PRKN: variants seen among roughly 807,000 people sequenced by gnomAD.
PRKN encodes parkin RBR E3 ubiquitin protein ligase.
In PRKN, 56 loss-of-function variants were observed where a neutral mutation model predicts 59.5. The ratio of observed to expected loss-of-function variants is 0.94; its 90% CI spans 0.76 to 1.18. The LOEUF is 1.18. PRKN is among the 50% of genes most tolerant of loss of function. The probability of loss-of-function intolerance (pLI) is 0.00; values close to 1 mark genes in which losing one functional copy is unlikely to be tolerated. For synonymous variants in PRKN, 250 were observed against 222.1 expected (o/e 1.13, Z -1.12); for missense variants, 657 against 596.4 (o/e 1.10, Z -1.06).
intron 1 of PRKN, chr6:162,569,128 T>A: frequency 1.6e-6 from 1 of 636,180 alleles, no homozygotes; most frequent in Non-Finnish European, 2.9e-6. Flanking sequence ...TCACCCAACC[T>A]CAGCCGGGCT....
intron 1 of PRKN, among the ~76,000 whole-genome samples, chr6:162,501,302 C>T (rs959965588): frequency 1.3e-5 from 2 of 151,494 alleles, no homozygotes; most frequent in Admixed American, 1.3e-4. Context: ...GGCCAGGCCT[C>T]GTGAAATCCA....
intron 7 of PRKN, among the ~76,000 whole-genome samples, chr6:161,681,758 G>A (rs1363263458): frequency 2.0e-5 from 3 of 152,168 alleles, no homozygotes; most frequent in South Asian, 2.1e-4. Flanking sequence ...AGGACCTGCC[G>A]CTGCCCTTTG....
chr6:162,281,272 G>C (rs1360710935), intron 2 of PRKN, among the ~76,000 whole-genome samples: 2 of 152,176 alleles, frequency 1.3e-5, no homozygotes, highest in East Asian at 3.9e-4. Context: ...GTCAGGGGGT[G>C]GGGGGCTAGG....
At chr6:161,537,701 T>C (rs977467530) in intron 9 of PRKN, among the ~76,000 whole-genome samples, 22 of 152,202 alleles carry the variant, frequency 1.4e-4, no homozygotes, top group African/African-American at 4.8e-4. Flanking sequence ...TCCGCCCGCC[T>C]TAGCCTCCCA....
intron 3 of PRKN, among the ~76,000 whole-genome samples, chr6:162,222,609 G>A (rs1159516855): frequency 6.6e-6 from 1 of 152,108 alleles, no homozygotes; most frequent in East Asian, 1.9e-4. Context: ...AAGGAACATG[G>A]CCCAATTAAT....
chr6:161,975,920 T>A (rs1416078676), intron 5 of PRKN, among the ~76,000 whole-genome samples: 3 of 152,156 alleles, frequency 2.0e-5, no homozygotes, highest in South Asian at 4.1e-4. Context: ...TTTACTTTTT[T>A]TTTGAGACAG....
intron 1 of PRKN, among the ~76,000 whole-genome samples, chr6:162,576,413 C>A (rs1449073306): frequency 6.6e-6 from 1 of 152,128 alleles, no homozygotes; most frequent in African/African-American, 2.4e-5. Flanking sequence ...CTAACTTGAA[C>A]AAGGGGTGGG....
At position 161,423,740 on chromosome 6, in the gene PRKN, T is replaced by C. The variant is rs1206049012; in HGVS notation, c.1084-36863A>G. ...TCCACTGCTCTTGTTCCTGGTCTCA[T>C]AGGCTACACACAACCACTATCATCT... On this transcript the variant is annotated intron_variant, in intron 9 of 11. Transcript: ENST00000366898. The surrounding 1 kb of genome is among the most constrained non-coding windows in gnomAD (Gnocchi z 5.9). Among the ~76,000 whole-genome samples, 1 of 152,160 alleles carries C rather than the reference T, an allele frequency of 6.6e-6. No individual in the cohort carries two copies. The highest frequency in any genetic ancestry group is 1.5e-5 in the Non-Finnish European group (1 of 68,020).
chr6:162,012,074 A>T (rs1392096152), intron 5 of PRKN, among the ~76,000 whole-genome samples: 1 of 152,000 alleles, frequency 6.6e-6, no homozygotes, highest in Non-Finnish European at 1.5e-5. Flanking sequence ...GTCTTCAACA[A>T]CTCTACCATG....
chr6:162,391,447 T>C (rs1181998629), intron 2 of PRKN, among the ~76,000 whole-genome samples: 1 of 151,466 alleles, frequency 6.6e-6, no homozygotes, highest in Non-Finnish European at 1.5e-5. Flanking sequence ...TTACTGCGCA[T>C]GCTTGACGTG....
intron 1 of PRKN, among the ~76,000 whole-genome samples, chr6:162,509,440 A>G (rs928269313): frequency 2.0e-5 from 3 of 152,184 alleles, no homozygotes; most frequent in African/African-American, 4.8e-5. Flanking sequence ...AAAAGCCTCA[A>G]CAAAAAGAGG....
At chr6:161,809,888 G>T (rs9458382) in intron 6 of PRKN, among the ~76,000 whole-genome samples, 3,475 of 152,188 alleles carry the variant, frequency 0.023, 143 homozygotes, top group African/African-American at 0.08. Context: ...GCCTGTTTCT[G>T]CTCTAAAGCA....
intron 2 of PRKN, among the ~76,000 whole-genome samples, chr6:162,276,690 GGTGTGTGTGTGTGTGTCTGT>G (rs1473471180): frequency 6.6e-6 from 1 of 150,400 alleles, no homozygotes; most frequent in African/African-American, 2.4e-5. Flanking sequence ...AACAGAAGCT[GGTGTGTGTGTGTGTGTCTGT>G]GTGTGTGTGT....
chr6:161,370,493 G>T (rs1248016307), intron 10 of PRKN, among the ~76,000 whole-genome samples: 2 of 149,546 alleles, frequency 1.3e-5, no homozygotes, highest in Non-Finnish European at 3.0e-5. Context: ...TTGGGAGGCT[G>T]AGATGGGAGA....
chr6:161,516,658 T>G (rs1047599830), intron 9 of PRKN, among the ~76,000 whole-genome samples: 9 of 150,100 alleles, frequency 6.0e-5, no homozygotes, highest in Admixed American at 1.3e-4. Context: ...TAAAACTCCA[T>G]CTCCACTAAA....
intron 7 of PRKN, among the ~76,000 whole-genome samples, chr6:161,687,388 CAAAAAAAAAAAAA>C (rs1192587302): frequency 1.2e-4 from 6 of 51,558 alleles, no homozygotes; most frequent in Non-Finnish European, 3.2e-5. Context: ...GACTCCATCT[CAAAAAAAAAAAAA>C]AAAAAAAAAA....
At chr6:162,604,330 G>C (rs896760105) in intron 1 of PRKN, among the ~76,000 whole-genome samples, 1 of 152,054 alleles carries the variant, frequency 6.6e-6, no homozygotes, top group Non-Finnish European at 1.5e-5. Context: ...TATTTGTTTC[G>C]CAGCCTGTGC....
intron 9 of PRKN, among the ~76,000 whole-genome samples, chr6:161,520,183 C>T (rs1778765774): frequency 6.7e-6 from 1 of 149,504 alleles, no homozygotes; most frequent in Non-Finnish European, 1.5e-5. Context: ...CCTGAGCTTT[C>T]TTCACTTTCT....
At chr6:162,045,774 G>C (rs1333957410) in intron 5 of PRKN, among the ~76,000 whole-genome samples, 1 of 152,146 alleles carries the variant, frequency 6.6e-6, no homozygotes, top group African/African-American at 2.4e-5. Flanking sequence ...GCTGTTTCCC[G>C]GCCGAGAAGC....
Sources: gnomAD v4.1 joint callset for allele counts (sites outside exome capture counted in the v4.1 genomes callset) on GRCh38, gnomAD v4.1.1 for gene constraint, Gnocchi (gnomAD v3.1) non-coding constraint, MANE v1.5 for transcripts, NCBI Gene and HGNC (gene_info 2026-07-23, HGNC 2026-07-21) for gene names.